The following TRUB2 variants were observed in gnomAD, a reference collection of about 807,000 sequenced individuals.
The protein encoded by TRUB2 is pseudouridylate synthase TRUB2, mitochondrial.
TRUB2 carries 31 observed loss-of-function variants against 31.9 expected under a neutral mutation model. The ratio of observed to expected loss-of-function variants is 0.97; its 90% CI spans 0.73 to 1.31. The LOEUF (loss-of-function observed/expected upper bound fraction) is 1.31. Among genes scored for constraint, TRUB2 ranks in the 50% most tolerant of loss-of-function variants. The pLI, the probability that TRUB2 is intolerant of heterozygous loss-of-function variation, is 0.00. For synonymous variants in TRUB2, 201 were observed against 182.6 expected (o/e 1.10, Z -0.81); for missense variants, 451 against 439.6 (o/e 1.03, Z -0.23).
At chr9:128,313,251 G>A (rs1334447992) in intron 5 of TRUB2, among the ~76,000 whole-genome samples, 2 of 148,258 alleles carry the variant, frequency 1.3e-5, no homozygotes, top group Non-Finnish European at 3.0e-5. Flanking sequence ...GAAAGGCTGG[G>A]CGCGGTGGCT....
At chr9:128,320,177 AT>A (rs1268414422) in intron 2 of TRUB2, among the ~76,000 whole-genome samples, 1 of 137,276 alleles carries the variant, frequency 7.3e-6, no homozygotes, top group East Asian at 2.2e-4. Flanking sequence ...CAGCCTCTTT[AT>A]TTTTTTTGGA....
chr9:128,315,503 A>G, intron 4 of TRUB2, 64 bp downstream of exon 4: 8 of 1,544,710 alleles, frequency 5.2e-6, no homozygotes, highest in Non-Finnish European at 7.1e-6. Flanking sequence ...TAAGCTTCAG[A>G]ATCCTGCTGG....
rs1307764146 is a variant in TRUB2 at position 128,311,520 on chromosome 9, C to T, written c.533+9G>A. On this transcript the variant is annotated intron_variant, in intron 6 of 7. Coordinates refer to ENST00000372890, the MANE Select transcript of TRUB2 (RefSeq NM_015679.3). ...GCTCTCCCAGTACCTCCCTGAGGGC[C>T]CTACTCACATCACCAGGGCCTTCTG... 1 of 1,613,874 alleles carries T rather than the reference C, an allele frequency of 6.2e-7. No homozygotes were observed. Among genetic ancestry groups the T allele is most frequent in the Non-Finnish European group, 8.5e-7 (1 of 1,179,794 alleles).
chr9:128,310,674 G>A (rs1391466379), intron 7 of TRUB2, among the ~76,000 whole-genome samples: 1 of 152,098 alleles, frequency 6.6e-6, no homozygotes, highest in Non-Finnish European at 1.5e-5. Context: ...CAAGAGATAG[G>A]AGAGCTTTTG....
chr9:128,313,577 A>AGACT (rs1832015318), intron 5 of TRUB2, among the ~76,000 whole-genome samples: 1 of 152,032 alleles, frequency 6.6e-6, no homozygotes, highest in Admixed American at 6.6e-5. Context: ...AAAAGGTCAA[A>AGACT]GACTGACGAG....
chr9:128,315,854 G>A (rs1832059761), intron 3 of TRUB2: 2 of 554,634 alleles, frequency 3.6e-6, no homozygotes, highest in South Asian at 4.0e-5. Flanking sequence ...ATGGTTGGAG[G>A]GGGCCTAGGA....
intron 3 of TRUB2, 31 bp downstream of exon 3, chr9:128,317,121 A>T: frequency 6.5e-7 from 1 of 1,549,186 alleles, no homozygotes; most frequent in Non-Finnish European, 8.7e-7. Flanking sequence ...AAGCCTTATC[A>T]CTGTACCCCC....
chr9:128,316,543 CGTG>C (rs1180856429), intron 3 of TRUB2: 1 of 152,630 alleles, frequency 6.6e-6, no homozygotes, highest in African/African-American at 2.4e-5. Context: ...TGCATTCACT[CGTG>C]GGGAGACAGA....
intron 1 of TRUB2, among the ~76,000 whole-genome samples, chr9:128,322,059 G>C (rs1293870744): frequency 6.6e-6 from 1 of 152,202 alleles, no homozygotes; most frequent in Non-Finnish European, 1.5e-5. Context: ...TTAAGAAACA[G>C]GCGGATTCAA....
chr9:128,309,832 C>G lies in TRUB2; in HGVS notation c.714G>C (p.Leu238Phe). Residue 238 changes from leucine to phenylalanine, a missense_variant, in exon 8 of 8, where the codon TTG becomes TTC. Physicochemically the swap from Leu to Phe is conservative, Grantham distance 22. Coordinates refer to ENST00000372890, the MANE Select transcript of TRUB2 (RefSeq NM_015679.3). ...TTAGTTCCAGGCCGATTTCATGAAC[C>G]AACTTCCGCAGCTCTTTCTGCGTCT... The part of the protein sequence containing the change: ...MHETQKELRK[L>F]VHEIGLELKT... 2 of 1,614,220 alleles carry G rather than the reference C, an allele frequency of 1.2e-6. No homozygotes were observed. Among genetic ancestry groups the G allele is most frequent in the Non-Finnish European group, 1.7e-6 (2 of 1,180,030 alleles).
chr9:128,315,399 GTTA>G (rs1832048871), intron 4 of TRUB2, among the ~76,000 whole-genome samples, 165 bp downstream of exon 4: 3 of 152,154 alleles, frequency 2.0e-5, no homozygotes, highest in African/African-American at 7.2e-5. Flanking sequence ...AACACTGGTA[GTTA>G]TTATTGTTAT....
Position 128,309,057 on chromosome 9 carries a change from C to A in TRUB2, c.*493G>T, listed in dbSNP as rs1831915761. 6.4e-6 allele frequency: 1 copy of A among 156,446 alleles called. No individual in the cohort carries two copies. The highest frequency in any genetic ancestry group is 1.4e-5 in the Non-Finnish European group (1 of 70,576). The allele number at this position is 156,446 out of a possible 1,614,324, so 9.7% of individuals were successfully genotyped here. A position where few individuals can be genotyped will look rare whatever the true frequency, so the allele number is the denominator to read the frequency against. On this transcript the variant is annotated 3_prime_UTR_variant, in exon 8 of 8. Coordinates refer to ENST00000372890, the MANE Select transcript of TRUB2 (RefSeq NM_015679.3). ...CTTCTTATTGCTTTCTAAGGGCTCT[C>A]TGTATACTATGGATATTAGTCCTTG... is the stretch of plus-strand genomic sequence containing the variant.
rs374714727 is a variant in TRUB2, at chr9:128,322,417, A to G, written c.-9T>C. 6.2e-7 allele frequency: 1 copy of G among 1,613,868 alleles called. No individual in the cohort carries two copies. The highest frequency in any genetic ancestry group is 1.3e-5 in the African/African-American group (1 of 74,912). On this transcript the variant is annotated 5_prime_UTR_variant, in exon 1 of 8. Transcript: ENST00000372890. ...AAGCCAGCAGACCCCATACTTGAAG[A>G]TCACAGCACCCGCTGGACCTGGACG...
intron 2 of TRUB2, among the ~76,000 whole-genome samples, chr9:128,321,257 G>T (rs1346417848): frequency 6.6e-6 from 1 of 152,176 alleles, no homozygotes; most frequent in South Asian, 2.1e-4. Flanking sequence ...GGACTCAGAG[G>T]CAACTGTACT....
intron 6 of TRUB2, 160 bp downstream of exon 6, chr9:128,311,369 C>T: frequency 1.3e-6 from 1 of 781,522 alleles, no homozygotes; most frequent in Non-Finnish European, 2.1e-6. Context: ...AGACCTGGCA[C>T]ACAGAACCAT....
chr9:128,321,503 A>G lies in TRUB2; in HGVS notation c.241+96T>C. The stretch of plus-strand genomic sequence containing the variant: ...ATACCTCACTCCTCTGTGGACCTTC[A>G]AGGGCCTGGCACAGGAATCTGAGCA... On this transcript the variant is annotated intron_variant, in intron 2 of 7. Coordinates refer to ENST00000372890, the MANE Select transcript of TRUB2 (RefSeq NM_015679.3). 3 of 1,588,872 alleles carry G rather than the reference A, an allele frequency of 1.9e-6. No homozygotes were observed. The South Asian group carries it at 3.4e-5, about 18-fold the overall frequency.
In TRUB2 at chr9:128,315,692, C is replaced by G. The variant is rs183354270; in HGVS notation, c.317-64G>C. On this transcript the variant is annotated intron_variant, in intron 3 of 7. Coordinates refer to ENST00000372890, the MANE Select transcript of TRUB2 (RefSeq NM_015679.3). ...CTTCCCATTCCCCTAAGTATCCCCA[C>G]CCCTACCCCCACCATCAGAATACTC... is the stretch of plus-strand genomic sequence containing the variant. 14 of 1,541,574 alleles carry G rather than the reference C, an allele frequency of 9.1e-6. No homozygotes were observed. The Admixed American group carries it at 2.2e-4, about 25-fold the overall frequency.
chr9:128,311,346 G>A lies in TRUB2; in HGVS notation c.533+183C>T, dbSNP rs140253578. The A allele has an allele frequency of 9.0e-5, 61 of 679,218 alleles. No homozygotes were observed. In the East Asian group the frequency reaches 1.0e-3, roughly 11 times the overall value. 42.1% of individuals were successfully genotyped at this position (679,218 alleles called of 1,614,324 possible). ...GTTCTCTTGCTCTTCTTGGCCTCCCGTTGGCCAACCCAAGACCTGGCACAC... is the reference window on the plus strand; with the variant it reads ...GTTCTCTTGCTCTTCTTGGCCTCCCATTGGCCAACCCAAGACCTGGCACAC... On this transcript the variant is annotated intron_variant, in intron 6 of 7. Coordinates refer to ENST00000372890, the MANE Select transcript of TRUB2 (RefSeq NM_015679.3).
rs554421782 is a variant in TRUB2 at position 128,317,436 on chromosome 9, A to G, written c.242-210T>C. Among the ~76,000 whole-genome samples, 10 of 152,174 alleles carry G rather than the reference A, an allele frequency of 6.6e-5. No individual in the cohort carries two copies. In the South Asian group the frequency reaches 2.1e-3, roughly 32 times the overall value. ...CAAAGGGCAGCCCAAGATGCCTCTT[A>G]CTCTGCCTATCATCAGTCTCCCAGT... On this transcript the variant is annotated intron_variant, in intron 2 of 7. Transcript: ENST00000372890.
Sources: gnomAD v4.1 joint callset for allele counts (sites outside exome capture counted in the v4.1 genomes callset) on GRCh38, gnomAD v4.1.1 for gene constraint, MANE v1.5 for transcripts, NCBI Gene and HGNC (gene_info 2026-07-23, HGNC 2026-07-21) for gene names.